The following MARCHF5 variants were observed in gnomAD, a reference collection of about 807,000 sequenced individuals.
MARCHF5 encodes membrane associated ring-CH-type finger 5.
MARCHF5 carries 5 observed loss-of-function variants against 36.5 expected under a neutral mutation model. The ratio of observed to expected loss-of-function variants is 0.14; its 90% CI spans 0.07 to 0.29. The LOEUF (loss-of-function observed/expected upper bound fraction) is 0.29. Ranked by LOEUF, MARCHF5 falls within the 10% of genes least tolerant of loss-of-function variation. The pLI is 1.00. For synonymous variants in MARCHF5, 103 were observed against 109.9 expected (o/e 0.94, Z 0.39); for missense variants, 179 against 336.3 (o/e 0.53, Z 3.66).
chr10:92,291,442 C>T lies in MARCHF5; in HGVS notation c.-53C>T. 1 of 1,463,334 alleles carries T rather than the reference C, an allele frequency of 6.8e-7. No individual in the cohort carries two copies. The highest frequency in any genetic ancestry group is 1.2e-5 in the South Asian group (1 of 82,338). The allele number at this position is 1,463,334 out of a possible 1,614,324, so 90.6% of individuals were successfully genotyped here. A position where few individuals can be genotyped will look rare whatever the true frequency, so the allele number is the denominator to read the frequency against. On this transcript the variant is annotated 5_prime_UTR_variant, in exon 1 of 6. Transcript: ENST00000358935. ...CCTCTCAGTGCTATTGTCCCTGGGC[C>T]TGGCCTTGAGCGGGTCCACTGGGGA...
At chr10:92,307,458 G>T (rs749604111) in intron 1 of MARCHF5, among the ~76,000 whole-genome samples, 13 of 152,124 alleles carry the variant, frequency 8.5e-5, no homozygotes, top group Non-Finnish European at 1.8e-4. Context: ...ATTTGGCCAG[G>T]CACAGTGGCT....
intron 1 of MARCHF5, among the ~76,000 whole-genome samples, chr10:92,294,447 A>G (rs985881898): frequency 6.6e-6 from 1 of 152,196 alleles, no homozygotes; most frequent in Non-Finnish European, 1.5e-5. Context: ...CTTTATGTTT[A>G]CAGCTTTCTT....
At chr10:92,337,842 G>A (rs1366661675) in intron 2 of MARCHF5, among the ~76,000 whole-genome samples, 3 of 151,938 alleles carry the variant, frequency 2.0e-5, no homozygotes, top group Non-Finnish European at 1.5e-5. Flanking sequence ...GCTGGAGAGC[G>A]TCGATAAATG....
chr10:92,295,944 C>G (rs546091301), intron 1 of MARCHF5, among the ~76,000 whole-genome samples: 1 of 151,284 alleles, frequency 6.6e-6, no homozygotes, highest in Non-Finnish European at 1.5e-5. Flanking sequence ...GGCGCGATCT[C>G]GGTTCACCAC....
Position 92,291,485 on chromosome 10 carries a change from T to C in MARCHF5, c.-10T>C, listed in dbSNP as rs1842861970. The C allele has an allele frequency of 1.3e-6, 2 of 1,548,266 alleles. No individual in the cohort carries two copies. Among genetic ancestry groups the C allele is most frequent in the Admixed American group, 2.0e-5 (1 of 50,946 alleles). ...ACTGGGGAAGGCCGTGTGCGCCGGC[T>C]CCGCGGAAGATGCCGGACCAAGCCC... On this transcript the variant is annotated 5_prime_UTR_variant, in exon 1 of 6. Transcript: ENST00000358935.
intron 1 of MARCHF5, among the ~76,000 whole-genome samples, chr10:92,310,197 C>T (rs1843127237): frequency 6.6e-6 from 1 of 152,102 alleles, no homozygotes; most frequent in Non-Finnish European, 1.5e-5. Flanking sequence ...AGCCACTTAT[C>T]CAATTAATTA....
intron 1 of MARCHF5, among the ~76,000 whole-genome samples, chr10:92,309,438 A>G (rs1053034832): frequency 6.6e-5 from 10 of 152,212 alleles, no homozygotes; most frequent in Non-Finnish European, 1.5e-4. Flanking sequence ...TTAATTTAAA[A>G]TGTGATTCAC....
At chr10:92,295,301 T>G (rs1470271194) in intron 1 of MARCHF5, among the ~76,000 whole-genome samples, 1 of 128,642 alleles carries the variant, frequency 7.8e-6, no homozygotes, top group Non-Finnish European at 1.6e-5. Context: ...GTTTTTAAAC[T>G]AGAGGCAACT....
At position 92,353,618 on chromosome 10, in the gene MARCHF5, T is replaced by C. The variant is rs539798096; in HGVS notation, c.*2411T>C. 1.3e-5 allele frequency: 2 copies of C among 152,488 alleles called. No homozygotes were observed. The highest frequency in any genetic ancestry group is 2.9e-5 in the Non-Finnish European group (2 of 68,012). The allele number at this position is 152,488 out of a possible 1,614,324, so 9.4% of individuals were successfully genotyped here. Reference sequence around the variant, plus strand: ...AGGCATTGGGGACAAATGAAAGAGATGATGTAGATTTTTCGGATGGGTGGG... The same window carrying C: ...AGGCATTGGGGACAAATGAAAGAGACGATGTAGATTTTTCGGATGGGTGGG... On this transcript the variant is annotated 3_prime_UTR_variant, in exon 6 of 6. Transcript: ENST00000358935.
chr10:92,312,339 T>C (rs887919617), intron 2 of MARCHF5, among the ~76,000 whole-genome samples: 3 of 152,330 alleles, frequency 2.0e-5, no homozygotes, highest in Non-Finnish European at 4.4e-5. Context: ...TGTTTTTCTC[T>C]AACATGCACA....
Position 92,334,126 on chromosome 10 carries a change from G to T in MARCHF5, c.239-6547G>T, listed in dbSNP as rs548429185. On this transcript the variant is annotated intron_variant, in intron 2 of 5. Transcript: ENST00000358935. ...AATCGCTTGAACCCGGGAGGCAGAG[G>T]TTGCTGTGAGCTGACATTGCGCCAG... 1.6e-4 allele frequency among the ~76,000 whole-genome samples: 24 copies of T among 152,320 alleles called. 1 individual carries two copies. In the East Asian group the frequency reaches 4.6e-3, roughly 29 times the overall value.
chr10:92,327,646 C>T (rs1335621464), intron 2 of MARCHF5, among the ~76,000 whole-genome samples: 1 of 152,182 alleles, frequency 6.6e-6, no homozygotes, highest in African/African-American at 2.4e-5. Context: ...GGAGTGCCTG[C>T]TTCCCCATTG....
intron 2 of MARCHF5, among the ~76,000 whole-genome samples, chr10:92,324,643 A>C (rs1017115088): frequency 1.3e-5 from 2 of 152,326 alleles, no homozygotes; most frequent in East Asian, 1.9e-4. Context: ...TACAACTAGA[A>C]GTTTTCCTCT....
At chr10:92,307,214 C>CGCGT (rs1554946711) in intron 1 of MARCHF5, among the ~76,000 whole-genome samples, 2 of 82,310 alleles carry the variant, frequency 2.4e-5, no homozygotes, top group Non-Finnish European at 5.7e-5. Flanking sequence ...TGTGTGTGTG[C>CGCGT]GCGTGCATGC....
intron 2 of MARCHF5, among the ~76,000 whole-genome samples, chr10:92,338,049 G>A (rs1178779672): frequency 2.6e-5 from 4 of 151,660 alleles, no homozygotes; most frequent in Non-Finnish European, 4.4e-5. Context: ...AATTAGCCAA[G>A]CATGGTGGCG....
intron 1 of MARCHF5, among the ~76,000 whole-genome samples, chr10:92,298,414 C>G (rs555681773): frequency 2.0e-5 from 3 of 152,276 alleles, no homozygotes; most frequent in East Asian, 3.9e-4. Context: ...TCCTCATTTC[C>G]TTTAGCACCT....
At chr10:92,346,788 T>C (rs1164613816) in intron 3 of MARCHF5, among the ~76,000 whole-genome samples, 1 of 151,984 alleles carries the variant, frequency 6.6e-6, no homozygotes, top group Admixed American at 6.6e-5. Context: ...CAACCCCTAC[T>C]TCCTTTTTGT....
intron 1 of MARCHF5, among the ~76,000 whole-genome samples, chr10:92,309,685 G>A (rs1207430159): frequency 6.6e-6 from 1 of 151,632 alleles, no homozygotes; most frequent in Admixed American, 6.6e-5. Context: ...GAAATTTTAT[G>A]CAAAAATCAT....
chr10:92,328,388 G>T, intron 2 of MARCHF5, among the ~76,000 whole-genome samples: 2 of 138,586 alleles, frequency 1.4e-5, no homozygotes, highest in Non-Finnish European at 3.1e-5. Flanking sequence ...TGGTGGTGTT[G>T]ATTTTGCCCT....
Sources: allele counts gnomAD v4.1 joint callset (sites outside exome capture counted in the v4.1 genomes callset), GRCh38; gene constraint gnomAD v4.1.1; transcripts MANE v1.5; gene names NCBI Gene and HGNC (gene_info 2026-07-23, HGNC 2026-07-21).